SMIM8: variants seen among roughly 807,000 people sequenced by gnomAD.
SMIM8 encodes the protein small integral membrane protein 8.
In SMIM8, 8 loss-of-function variants were observed where a neutral mutation model predicts 8.1. That is an observed-to-expected ratio of 0.99 (90% CI 0.58 to 1.78). The LOEUF is 1.78. Among genes scored for constraint, SMIM8 ranks in the 40% most tolerant of loss-of-function variants. SMIM8 has a pLI of 0.00. For missense variants in SMIM8, 126 were observed against 119.8 expected, an observed-to-expected ratio of 1.05 and a Z score of -0.24; for synonymous variants, 45 against 39.7, an observed-to-expected ratio of 1.13 and a Z score of -0.50.
At chr6:87,327,094 G>C (rs1314440556) in intron 1 of SMIM8, among the ~76,000 whole-genome samples, 1 of 151,328 alleles carries the variant, frequency 6.6e-6, no homozygotes, top group Non-Finnish European at 1.5e-5. Context: ...TGCAACCCCT[G>C]CTTTTTTTTG....
At chr6:87,331,187 A>G (rs149695709) in intron 2 of SMIM8, among the ~76,000 whole-genome samples, 102 of 152,372 alleles carry the variant, frequency 6.7e-4, no homozygotes, top group African/African-American at 2.3e-3. Flanking sequence ...GGAAACAAAA[A>G]GTAAGAGAAG....
chr6:87,336,099 T>G (rs1163932169), intron 2 of SMIM8, among the ~76,000 whole-genome samples: 5 of 152,138 alleles, frequency 3.3e-5, no homozygotes, highest in African/African-American at 1.2e-4. Flanking sequence ...TTAACTTTTA[T>G]TTTATAACAT....
At position 87,337,075 on chromosome 6, in the gene SMIM8, C is replaced by G. The variant is rs1397506886; in HGVS notation, c.44C>G (p.Pro15Arg). ...CCTCCAACATTCAAAAAGGAACCAC[C>G]CAAAGAGAAAGAGTTTCAAAGCCCA... is the stretch of plus-strand genomic sequence containing the variant. ...PEPPTFKKEP[P>R]KEKEFQSPGL... The change falls in exon 3 of 4, where the codon CCC (proline) becomes CGC (arginine). Residue 15 changes from proline (P) to arginine (R), a missense_variant. By Grantham distance (103) the Pro-to-Arg change is moderately radical. Coordinates refer to ENST00000392863, the MANE Select transcript of SMIM8 (RefSeq NM_001042493.3). 6.2e-7 allele frequency: 1 copy of G among 1,612,930 alleles called. No individual in the cohort carries two copies. The highest frequency in any genetic ancestry group is 8.5e-7 in the Non-Finnish European group (1 of 1,179,364).
At chr6:87,336,521 CAG>C (rs1777116510) in intron 2 of SMIM8, among the ~76,000 whole-genome samples, 1 of 152,140 alleles carries the variant, frequency 6.6e-6, no homozygotes, top group African/African-American at 2.4e-5. Context: ...TGGAGGAAGA[CAG>C]AGGAGCAGTG....
At chr6:87,328,718 C>G (rs1299069184) in intron 1 of SMIM8, among the ~76,000 whole-genome samples, 2 of 152,202 alleles carry the variant, frequency 1.3e-5, no homozygotes, top group Non-Finnish European at 1.5e-5. Flanking sequence ...TGTCTGTGCC[C>G]TGCCCCCAGA....
intron 1 of SMIM8, among the ~76,000 whole-genome samples, chr6:87,323,220 C>A: frequency 6.6e-6 from 1 of 152,150 alleles, no homozygotes; most frequent in Admixed American, 6.5e-5. Flanking sequence ...CCCCTTTTTT[C>A]AGAGACAGTA....
intron 1 of SMIM8, among the ~76,000 whole-genome samples, chr6:87,324,781 A>T (rs892145091): frequency 6.6e-6 from 1 of 152,132 alleles, no homozygotes; most frequent in Admixed American, 6.5e-5. Flanking sequence ...ATGAACTTTA[A>T]AGTAGCTTTT....
chr6:87,337,102 G>A lies in SMIM8; in HGVS notation c.71G>A (p.Gly24Glu). 6.2e-7 allele frequency: 1 copy of A among 1,613,222 alleles called. No individual in the cohort carries two copies. Among genetic ancestry groups the A allele is most frequent in the South Asian group, 1.1e-5 (1 of 90,918 alleles). ...AAAGAGAAAGAGTTTCAAAGCCCAG[G>A]GCTCAGAGGGGTGCGCACAACAACC... ...PPKEKEFQSPGLRGVRTTTLF... is the reference protein window; with the variant it reads ...PPKEKEFQSPELRGVRTTTLF... The change falls in exon 3 of 4, where the codon GGG becomes GAG. Residue 24 changes from glycine to glutamate, a missense_variant. Coordinates refer to ENST00000392863, the MANE Select transcript of SMIM8 (RefSeq NM_001042493.3).
At position 87,337,164 on chromosome 6, in the gene SMIM8, CCT is replaced by C; in HGVS notation, c.134_135del (p.Pro45GlnfsTer29). The C allele has an allele frequency of 6.2e-7, 1 of 1,608,186 alleles. No individual in the cohort carries two copies. Among genetic ancestry groups the C allele is most frequent in the Non-Finnish European group, 8.5e-7 (1 of 1,177,116 alleles). On this transcript the variant is annotated frameshift_variant and splice_region_variant, in exon 3 of 4. Transcript: ENST00000392863. LOFTEE classifies it high-confidence loss of function. ...TGTGAATCCAGAGCTCTTCATTAAA[CCT>C]GTAAGAAATACATCCAGGATAAGAC... ...RAVNPELFIK[P>X]NKPVMAFGLV...
At position 87,324,101 on chromosome 6, in the gene SMIM8, G is replaced by A. The variant is rs1017963029; in HGVS notation, c.-45+1469G>A. Among the ~76,000 whole-genome samples, 9 of 151,606 alleles carry A rather than the reference G, an allele frequency of 5.9e-5. No individual in the cohort carries two copies. The South Asian group carries it at 6.2e-4, about 10-fold the overall frequency. ...TGAGAAGTGTCTGTTCATGTCCTTC[G>A]CCCACTTTTTGATGGGGTTCTTTGT... is the stretch of plus-strand genomic sequence containing the variant. On this transcript the variant is annotated intron_variant, in intron 1 of 3. Coordinates refer to ENST00000392863, the MANE Select transcript of SMIM8 (RefSeq NM_001042493.3).
intron 3 of SMIM8, among the ~76,000 whole-genome samples, chr6:87,339,323 A>G (rs1562225619): frequency 8.5e-6 from 1 of 118,200 alleles, no homozygotes; most frequent in Non-Finnish European, 1.8e-5. Flanking sequence ...AACAAAACAC[A>G]GCGTGTGTGT....
Position 87,337,028 on chromosome 6 carries a change from C to G in SMIM8, c.-4C>G. The G allele has an allele frequency of 3.8e-6, 6 of 1,593,530 alleles. No homozygotes were observed. Among genetic ancestry groups the G allele is most frequent in the Non-Finnish European group, 5.1e-6 (6 of 1,172,622 alleles). On this transcript the variant is annotated 5_prime_UTR_variant, in exon 3 of 4. It adds an upstream start codon to the 5' untranslated region. Transcript: ENST00000392863. Reference sequence around the variant, plus strand: ...TTTTAGATAATAAATCATCATTGATCAAGATGTCTTCAGCACCTGAGCCTC... The same window carrying G: ...TTTTAGATAATAAATCATCATTGATGAAGATGTCTTCAGCACCTGAGCCTC...
chr6:87,338,862 A>C (rs547075131), intron 3 of SMIM8, among the ~76,000 whole-genome samples: 3 of 152,116 alleles, frequency 2.0e-5, no homozygotes, highest in African/African-American at 7.2e-5. Flanking sequence ...TTAATAGACA[A>C]AATACTTTTC....
intron 3 of SMIM8, among the ~76,000 whole-genome samples, chr6:87,339,307 A>G (rs1663067282): frequency 6.8e-6 from 1 of 147,626 alleles, no homozygotes; most frequent in Non-Finnish European, 1.5e-5. Flanking sequence ...GTCTCTTAAC[A>G]ACAACAACAA....
rs150674627 is a variant in SMIM8 at position 87,328,140 on chromosome 6, C to G, written c.-44-2552C>G. On this transcript the variant is annotated intron_variant, in intron 1 of 3. Transcript: ENST00000392863. ...TAAGCACTTCTCAGTATTGGTTATTCTAGTTATACATTCTTCTAAACTTTT... is the reference window on the plus strand; with the variant it reads ...TAAGCACTTCTCAGTATTGGTTATTGTAGTTATACATTCTTCTAAACTTTT... Among the ~76,000 whole-genome samples, 946 of 152,250 alleles carry G rather than the reference C, an allele frequency of 6.2e-3. 13 individuals carry two copies. The highest frequency in any genetic ancestry group is 0.022 in the African/African-American group (909 of 41,530).
rs1777236694 is a variant in SMIM8 at position 87,341,580 on chromosome 6, A to G, written c.*1306A>G. 6.2e-6 allele frequency: 2 copies of G among 322,952 alleles called. No homozygotes were observed. The highest frequency in any genetic ancestry group is 4.9e-5 in the Admixed American group (1 of 20,562). 20.0% of individuals were successfully genotyped at this position (322,952 alleles called of 1,614,324 possible). On this transcript the variant is annotated 3_prime_UTR_variant, in exon 4 of 4. Coordinates refer to ENST00000392863, the MANE Select transcript of SMIM8 (RefSeq NM_001042493.3). ...TCTTGCTTCAGTCGCTATTAATATT[A>G]CCAAGTAATAATAACAGCACAGGCA...
chr6:87,327,920 A>G (rs1377419966), intron 1 of SMIM8, among the ~76,000 whole-genome samples: 31 of 149,970 alleles, frequency 2.1e-4, no homozygotes, highest in African/African-American at 7.7e-4. Context: ...GTCTTTTCAC[A>G]TAGTCCCATA....
rs138631215 is a variant in SMIM8, at chr6:87,326,377, C to A, written c.-45+3745C>A. ...TGATGTTAGGGTGTCAATTTTGGAT[C>A]TTTCCTGCTTTATCTTGTGGGCATT... is the stretch of plus-strand genomic sequence containing the variant. On this transcript the variant is annotated intron_variant, in intron 1 of 3. Transcript: ENST00000392863. 3.6e-3 allele frequency among the ~76,000 whole-genome samples: 554 copies of A among 152,228 alleles called. 2 individuals are homozygous for A. Among genetic ancestry groups the A allele is most frequent in the African/African-American group, 0.013 (533 of 41,528 alleles).
chr6:87,323,446 C>T (rs527430679), intron 1 of SMIM8, among the ~76,000 whole-genome samples: 1 of 125,788 alleles, frequency 7.9e-6, no homozygotes, highest in Admixed American at 9.3e-5. Context: ...CACAACAGAC[C>T]TCAGAGTGTG....
Sources: gnomAD v4.1 joint callset for allele counts (sites outside exome capture counted in the v4.1 genomes callset) on GRCh38, gnomAD v4.1.1 for gene constraint, MANE v1.5 for transcripts, NCBI Gene and HGNC (gene_info 2026-07-23, HGNC 2026-07-21) for gene names.